The following CFAP97 variants were observed in gnomAD, a reference collection of about 807,000 sequenced individuals.
The protein encoded by CFAP97 is cilia- and flagella-associated protein 97.
A neutral mutation model predicts 43.1 loss-of-function variants in CFAP97; 36 were observed. That is an observed-to-expected ratio of 0.84 (90% CI 0.64 to 1.10). CFAP97 has a LOEUF of 1.10. Ranked by LOEUF, CFAP97 falls within the 50% of genes least tolerant of loss-of-function variation. CFAP97 has a pLI of 0.00. For missense variants in CFAP97, 657 were observed against 620.3 expected, an observed-to-expected ratio of 1.06 and a Z score of -0.63; for synonymous variants, 228 against 225.7, an observed-to-expected ratio of 1.01 and a Z score of -0.09.
upstream of CFAP97, among the ~76,000 whole-genome samples, chr4:185,208,781 T>C (rs1036724774): frequency 6.6e-6 from 1 of 152,116 alleles, no homozygotes; most frequent in Non-Finnish European, 1.5e-5. Flanking sequence ...TACCAATTGA[T>C]ACTAAAAGCA....
At chr4:185,189,760 G>T (rs139251375) in intron 2 of CFAP97, among the ~76,000 whole-genome samples, 2 of 152,108 alleles carry the variant, frequency 1.3e-5, no homozygotes, top group Non-Finnish European at 2.9e-5. Flanking sequence ...ATATGAGGAC[G>T]CCACATCAGG....
At chr4:185,169,396 A>T (rs976136848) in intron 3 of CFAP97, 6 of 167,084 alleles carry the variant, frequency 3.6e-5, no homozygotes, top group Non-Finnish European at 6.1e-5. Flanking sequence ...TTCTCTCTCT[A>T]TCCTGCCACC....
At chr4:185,182,315 G>A (rs1014488954) in intron 2 of CFAP97, 22 of 152,012 alleles carry the variant, frequency 1.4e-4, no homozygotes, top group African/African-American at 5.3e-4. Context: ...TACAGGTCAA[G>A]ATGAAGGATC....
At chr4:185,181,740 G>A (rs867155037) in intron 2 of CFAP97, among the ~76,000 whole-genome samples, 6 of 152,264 alleles carry the variant, frequency 3.9e-5, no homozygotes, top group Middle Eastern at 3.4e-3. Flanking sequence ...CCTCTCTGTT[G>A]GTTTTTGCTT....
chr4:185,201,416 A>G lies in CFAP97; in HGVS notation c.-17+2482T>C, dbSNP rs983382002. Among the ~76,000 whole-genome samples the G allele has an allele frequency of 2.6e-5, 4 of 152,132 alleles. No homozygotes were observed. In the South Asian group the frequency reaches 8.3e-4, roughly 31 times the overall value. The stretch of plus-strand genomic sequence containing the variant: ...AATCTTTTGTGAAAAGAAGTCAATC[A>G]ATAAAGCAAAGTTAATCATTGTCTT... On this transcript the variant is annotated intron_variant, in intron 1 of 4. Transcript: ENST00000458385.
upstream of CFAP97, among the ~76,000 whole-genome samples, chr4:185,205,315 G>A (rs1470787631): frequency 1.3e-5 from 2 of 152,138 alleles, no homozygotes; most frequent in African/African-American, 4.8e-5. Context: ...TTAGCTGGGC[G>A]TGGTGACGTG....
chr4:185,166,469 T>C (rs1735076803), intron 3 of CFAP97, among the ~76,000 whole-genome samples: 1 of 152,224 alleles, frequency 6.6e-6, no homozygotes, highest in Non-Finnish European at 1.5e-5. Context: ...CATTTTTGCT[T>C]TTTTGCTGGT....
At chr4:185,193,791 G>A (rs1736412983) in intron 1 of CFAP97, among the ~76,000 whole-genome samples, 1 of 152,120 alleles carries the variant, frequency 6.6e-6, no homozygotes, top group Non-Finnish European at 1.5e-5. Flanking sequence ...GCAGCCTTTA[G>A]GCAGGAGAAT....
chr4:185,165,653 T>C (rs1208772139), intron 3 of CFAP97, among the ~76,000 whole-genome samples: 1 of 152,224 alleles, frequency 6.6e-6, no homozygotes, highest in Admixed American at 6.5e-5. Flanking sequence ...ATGAATTCAG[T>C]CATAGGACAA....
intron 1 of CFAP97, among the ~76,000 whole-genome samples, chr4:185,193,264 A>T (rs1736381570): frequency 6.6e-6 from 1 of 152,160 alleles, no homozygotes; most frequent in Non-Finnish European, 1.5e-5. Flanking sequence ...AAAAAAGACA[A>T]ACATACATAA....
In CFAP97 at chr4:185,162,864, A is replaced by T. The variant is rs1292075718; in HGVS notation, c.1533T>A (p.Val511=). Residue 511 remains valine (V), a synonymous_variant, in exon 5 of 5, where the codon GTT becomes GTA. Transcript: ENST00000458385. ...TTCGAGGGTGGCCACTGGAGGGGTC[A>T]ACCGCTGATCGCTCACTCCTACAAC... ...GLSCRSERSA[V]DPSSGHPRRR... The T allele has an allele frequency of 1.2e-6, 2 of 1,612,484 alleles. No individual in the cohort carries two copies. Among genetic ancestry groups the T allele is most frequent in the South Asian group, 2.2e-5 (2 of 90,542 alleles).
intron 3 of CFAP97, among the ~76,000 whole-genome samples, chr4:185,164,839 T>C (rs192089344): frequency 6.6e-6 from 1 of 152,334 alleles, no homozygotes; most frequent in East Asian, 1.9e-4. Flanking sequence ...GTTATAATGC[T>C]AAGAACCTAG....
At chr4:185,204,927 G>T (rs1431012276), upstream of CFAP97, among the ~76,000 whole-genome samples, 1 of 152,248 alleles carries the variant, frequency 6.6e-6, no homozygotes, top group African/African-American at 2.4e-5. Flanking sequence ...CAATACACCT[G>T]TGTTGTTTTA....
At chr4:185,185,301 G>T (rs946967987) in intron 2 of CFAP97, among the ~76,000 whole-genome samples, 1 of 151,700 alleles carries the variant, frequency 6.6e-6, no homozygotes, top group Admixed American at 6.6e-5. Flanking sequence ...TGATGCACAA[G>T]AAAAAAGGCA....
intron 2 of CFAP97, among the ~76,000 whole-genome samples, chr4:185,187,829 A>G (rs1736068500): frequency 6.6e-6 from 1 of 151,992 alleles, no homozygotes; most frequent in Non-Finnish European, 1.5e-5. Context: ...GGTGATATTA[A>G]TGCACTGCCT....
At chr4:185,204,825 A>G (rs1198760079), upstream of CFAP97, among the ~76,000 whole-genome samples, 1 of 152,238 alleles carries the variant, frequency 6.6e-6, no homozygotes, top group African/African-American at 2.4e-5. Flanking sequence ...AGAAGCTGCA[A>G]AAGGAGGAAA....
At chr4:185,171,258 G>A (rs1046483510) in intron 3 of CFAP97, among the ~76,000 whole-genome samples, 2 of 152,054 alleles carry the variant, frequency 1.3e-5, no homozygotes, top group South Asian at 2.1e-4. Context: ...CCAGCTACTC[G>A]GGAGGCTGAG....
In CFAP97 at chr4:185,190,134, G is replaced by T; in HGVS notation, c.1054+9C>A. 1 of 1,530,702 alleles carries T rather than the reference G, an allele frequency of 6.5e-7. No individual in the cohort carries two copies. The highest frequency in any genetic ancestry group is 8.8e-7 in the Non-Finnish European group (1 of 1,136,664). The allele number at this position is 1,530,702 out of a possible 1,614,324, so 94.8% of individuals were successfully genotyped here. On this transcript the variant is annotated intron_variant, in intron 2 of 4. Coordinates refer to ENST00000458385, the MANE Select transcript of CFAP97 (RefSeq NM_020827.3). ...TAAACACACATTTTTAAGAAGAAAA[G>T]AAAATTACCTTTCAAGAGATGATTC...
intron 3 of CFAP97, among the ~76,000 whole-genome samples, chr4:185,174,700 C>G (rs187514635): frequency 0.015 from 2,259 of 152,308 alleles, 36 homozygotes; most frequent in South Asian, 0.069. Flanking sequence ...GCAGCATACT[C>G]AGTAGCTCTG....
Sources: gnomAD v4.1 joint callset for allele counts (sites outside exome capture counted in the v4.1 genomes callset) on GRCh38, gnomAD v4.1.1 for gene constraint, MANE v1.5 for transcripts, NCBI Gene and HGNC (gene_info 2026-07-23, HGNC 2026-07-21) for gene names.